MSI2: variants seen among roughly 807,000 people sequenced by gnomAD.
MSI2 encodes the protein RNA-binding protein Musashi homolog 2.
In MSI2, 17 loss-of-function variants were observed where a neutral mutation model predicts 45.6. The observed-to-expected ratio is 0.37, with a 90% CI of 0.26 to 0.56. The LOEUF is 0.56. MSI2 is among the 20% of genes least tolerant of loss of function. MSI2 has a pLI of 0.77. For missense variants in MSI2, 293 were observed against 444.2 expected, an observed-to-expected ratio of 0.66 and a Z score of 3.06; for synonymous variants, 156 against 158.2, an observed-to-expected ratio of 0.99 and a Z score of 0.11.
At chr17:57,379,609 C>T (rs2083563980) in intron 5 of MSI2, among the ~76,000 whole-genome samples, 1 of 151,902 alleles carries the variant, frequency 6.6e-6, no homozygotes, top group Non-Finnish European at 1.5e-5. Context: ...CTCGGATTGG[C>T]TTCTCCTCCC....
chr17:57,262,890 A>G (rs1907451042), intron 5 of MSI2, among the ~76,000 whole-genome samples: 1 of 152,222 alleles, frequency 6.6e-6, no homozygotes. Context: ...AGGTGTGGCT[A>G]TGAGAACACA....
intron 11 of MSI2, among the ~76,000 whole-genome samples, chr17:57,667,462 G>C (rs1262156589): frequency 6.6e-6 from 1 of 152,164 alleles, no homozygotes; most frequent in Admixed American, 6.5e-5. Flanking sequence ...GCCTGGTCTG[G>C]TGAAGCCTGG....
chr17:57,487,395 C>T (rs942338987), intron 6 of MSI2, among the ~76,000 whole-genome samples: 1 of 152,168 alleles, frequency 6.6e-6, no homozygotes, highest in Non-Finnish European at 1.5e-5. Context: ...CTCCAGTTAT[C>T]AGTCTTTCTA....
chr17:57,293,872 T>C (rs1910695295), intron 5 of MSI2, among the ~76,000 whole-genome samples: 1 of 151,550 alleles, frequency 6.6e-6, no homozygotes. Context: ...CCTCCCAAAA[T>C]GCTGGAATTA....
intron 6 of MSI2, among the ~76,000 whole-genome samples, chr17:57,485,491 C>T (rs1042338761): frequency 3.3e-5 from 5 of 152,144 alleles, no homozygotes; most frequent in African/African-American, 1.2e-4. Flanking sequence ...ATGGGAGCCA[C>T]GCATGGAAGG....
chr17:57,657,295 C>T (rs1359304596), intron 11 of MSI2, among the ~76,000 whole-genome samples: 1 of 152,156 alleles, frequency 6.6e-6, no homozygotes, highest in East Asian at 1.9e-4. Flanking sequence ...CTGGAAGGAG[C>T]TGTTCTTCTA....
chr17:57,256,552 A>G lies in MSI2; in HGVS notation c.-191A>G. 3.7e-6 allele frequency: 1 copy of G among 272,684 alleles called. No individual in the cohort carries two copies. The highest frequency in any genetic ancestry group is 5.5e-5 in the East Asian group (1 of 18,310). The allele number at this position is 272,684 out of a possible 1,614,324, so 16.9% of individuals were successfully genotyped here. On this transcript the variant is annotated 5_prime_UTR_variant, in exon 1 of 14. Transcript: ENST00000284073. Reference sequence around the variant, plus strand: ...GAGGCAGCGGGGCTGAGCTAAGCCGAGCCCACGTGTGACGGCTCTCGCCGC... The same window carrying G: ...GAGGCAGCGGGGCTGAGCTAAGCCGGGCCCACGTGTGACGGCTCTCGCCGC...
intron 5 of MSI2, among the ~76,000 whole-genome samples, chr17:57,344,300 A>G (rs139353673): frequency 6.6e-6 from 1 of 152,336 alleles, no homozygotes; most frequent in Non-Finnish European, 1.5e-5. Context: ...CTAGTATTTC[A>G]ATGGCTTATA....
In MSI2 at chr17:57,627,312, C is replaced by G. The variant is rs748251379; in HGVS notation, c.727+9C>G. On this transcript the variant is annotated intron_variant, in intron 10 of 13. Coordinates refer to ENST00000284073, the MANE Select transcript of MSI2 (RefSeq NM_138962.4). This position sits in a 1 kb window ranked among gnomAD's most constrained non-coding sequence, Gnocchi z 4.6. ...TGGCTATCAGTTCCCAGGTGAGTGGCTTGGTCTCCCAGGGCTTTGGAAGCA... is the reference window on the plus strand; with the variant it reads ...TGGCTATCAGTTCCCAGGTGAGTGGGTTGGTCTCCCAGGGCTTTGGAAGCA... The G allele has an allele frequency of 6.2e-7, 1 of 1,614,002 alleles. No homozygotes were observed. The highest frequency in any genetic ancestry group is 1.3e-5 in the African/African-American group (1 of 75,044).
At chr17:57,395,571 A>G (rs546479688) in intron 5 of MSI2, among the ~76,000 whole-genome samples, 3 of 152,170 alleles carry the variant, frequency 2.0e-5, no homozygotes, top group South Asian at 4.2e-4. Flanking sequence ...GATGGGAAAA[A>G]TATGGGGAGA....
At chr17:57,642,515 T>C (rs1910337533) in intron 10 of MSI2, among the ~76,000 whole-genome samples, 1 of 152,204 alleles carries the variant, frequency 6.6e-6, no homozygotes, top group South Asian at 2.1e-4. Flanking sequence ...CCCCACCTTC[T>C]TCCTGGAAGA....
intron 7 of MSI2, among the ~76,000 whole-genome samples, chr17:57,530,350 C>T (rs1324162891): frequency 2.0e-5 from 3 of 152,220 alleles, no homozygotes; most frequent in African/African-American, 7.2e-5. Context: ...TTATACTTTT[C>T]TTGGGTGAAG....
chr17:57,451,982 G>A (rs2085028270), intron 6 of MSI2, among the ~76,000 whole-genome samples: 1 of 152,184 alleles, frequency 6.6e-6, no homozygotes, highest in Non-Finnish European at 1.5e-5. Flanking sequence ...ACAGGAAGCC[G>A]TGACCCCTCC....
intron 5 of MSI2, among the ~76,000 whole-genome samples, chr17:57,303,367 G>A (rs1233321997): frequency 6.6e-6 from 1 of 152,210 alleles, no homozygotes; most frequent in Admixed American, 6.5e-5. Flanking sequence ...AACCCCATGA[G>A]AAGAATTGCA....
intron 5 of MSI2, among the ~76,000 whole-genome samples, chr17:57,313,823 G>C (rs967688483): frequency 1.3e-5 from 2 of 152,202 alleles, no homozygotes; most frequent in African/African-American, 4.8e-5. Flanking sequence ...CAGATAAGCA[G>C]GTCAGGGAAC....
Position 57,257,477 on chromosome 17 carries a change from G to C in MSI2, c.115G>C (p.Asp39His). 1.9e-6 allele frequency: 3 copies of C among 1,579,262 alleles called. No homozygotes were observed. Among genetic ancestry groups the C allele is most frequent in the Non-Finnish European group, 2.6e-6 (3 of 1,151,252 alleles). ...SWQTSPDSLR[D>H]YFSKFGEIRE... Reference sequence around the variant, plus strand: ...TTCTCTCTCTACAGATAGCCTTAGAGACTATTTTAGCAAATTTGGAGAAAT... The same window carrying C: ...TTCTCTCTCTACAGATAGCCTTAGACACTATTTTAGCAAATTTGGAGAAAT... Residue 39 changes from aspartate to histidine, a missense_variant, in exon 3 of 14, where the codon GAC becomes CAC. Physicochemically the swap from Asp to His is moderately conservative, Grantham distance 81. Coordinates refer to ENST00000284073, the MANE Select transcript of MSI2 (RefSeq NM_138962.4).
chr17:57,504,669 G>A (rs2086188686), intron 6 of MSI2, among the ~76,000 whole-genome samples: 1 of 152,190 alleles, frequency 6.6e-6, no homozygotes, highest in Admixed American at 6.5e-5. Context: ...AGTGGCTCAC[G>A]CCTGTGATCC....
At chr17:57,564,228 G>A (rs2087671117) in intron 7 of MSI2, among the ~76,000 whole-genome samples, 1 of 152,214 alleles carries the variant, frequency 6.6e-6, no homozygotes, top group Non-Finnish European at 1.5e-5. Flanking sequence ...TTGCCCAGGA[G>A]CTAACATATT....
At chr17:57,693,245 C>T in the MSI2 span, among the ~76,000 whole-genome samples, 10 of 152,078 alleles carry the variant, frequency 6.6e-5, no homozygotes, top group African/African-American at 1.4e-4. Context: ...TGCAGTGGCG[C>T]GATCTTGGCT....
Sources: allele counts gnomAD v4.1 joint callset (sites outside exome capture counted in the v4.1 genomes callset), GRCh38; gene constraint gnomAD v4.1.1; non-coding constraint Gnocchi (gnomAD v3.1); transcripts MANE v1.5; gene names NCBI Gene and HGNC (gene_info 2026-07-23, HGNC 2026-07-21).